The following NCOR1 variants were observed in gnomAD, a reference collection of about 807,000 sequenced individuals.
NCOR1 encodes protein phosphatase 1, regulatory subunit 109.
NCOR1 carries 63 observed loss-of-function variants against 288.1 expected under a neutral mutation model. The observed-to-expected ratio is 0.22, with a 90% CI of 0.18 to 0.27. NCOR1 has a LOEUF of 0.27. NCOR1 is among the 10% of genes least tolerant of loss of function. The probability of loss-of-function intolerance (pLI) is 1.00; values close to 1 mark genes in which losing one functional copy is unlikely to be tolerated. For synonymous variants in NCOR1, 1,007 were observed against 1,065.9 expected (o/e 0.94, Z 1.08); for missense variants, 2,397 against 3,019.2 (o/e 0.79, Z 4.83).
intron 2 of NCOR1, among the ~76,000 whole-genome samples, chr17:16,188,729 A>C (rs1389776790): frequency 1.3e-5 from 2 of 151,722 alleles, no homozygotes; most frequent in African/African-American, 4.8e-5. Context: ...AATAGCCTCA[A>C]AAAGAATCAA....
intron 18 of NCOR1, among the ~76,000 whole-genome samples, chr17:16,109,890 G>C (rs2069643898): frequency 6.6e-6 from 1 of 152,032 alleles, no homozygotes; most frequent in South Asian, 2.1e-4. Flanking sequence ...CCCGCCACCA[G>C]GCCCAGCTAA....
In NCOR1 at chr17:16,151,055, TATAAA is replaced by T. The variant is rs1204354460; in HGVS notation, c.842+886_842+890del. On this transcript the variant is annotated intron_variant, in intron 8 of 45. Transcript: ENST00000268712. The stretch of plus-strand genomic sequence containing the variant: ...AAAAAGAAAAAAATAAATATATATA[TATAAA>T]ATAAATAGCAATGTGCTCATTAGTA... Among the ~76,000 whole-genome samples the T allele has an allele frequency of 3.3e-5, 5 of 151,278 alleles. No individual in the cohort carries two copies. In the East Asian group the frequency reaches 5.8e-4, roughly 18 times the overall value.
intron 14 of NCOR1, 72 bp from the exon 15 acceptor site, chr17:16,126,278 T>C (rs958555065): frequency 4.3e-6 from 6 of 1,398,658 alleles, no homozygotes; most frequent in South Asian, 1.8e-5. Context: ...TGATAAATTA[T>C]GTCTATCTAA....
At chr17:16,033,336 CAAAAAAAAA>C (rs59285422) in intron 45 of NCOR1, among the ~76,000 whole-genome samples, 11 of 57,458 alleles carry the variant, frequency 1.9e-4, no homozygotes, top group African/African-American at 6.4e-4. Context: ...ACTCCGTCTC[CAAAAAAAAA>C]AAAAAAAAAA....
rs771119636 is a variant in NCOR1 at position 16,073,555 on chromosome 17, G to C, written c.3685C>G (p.Arg1229Gly). ...GTTCTTGGACTCCTAGTCCCTTCTC[G>C]GGCATTCTTAATATCTACAGAATAC... ...ILSYDNIKNA[R>G]EGTRSPRTAH... The change falls in exon 28 of 46, where the codon CGA becomes GGA. Residue 1229 changes from arginine to glycine, a missense_variant. Physicochemically the swap from Arg to Gly is moderately radical, Grantham distance 125 (BLOSUM62 -2). Coordinates refer to ENST00000268712, the MANE Select transcript of NCOR1 (RefSeq NM_006311.4). 12 of 1,605,474 alleles carry C rather than the reference G, an allele frequency of 7.5e-6. No homozygotes were observed. The South Asian group carries it at 1.2e-4, about 16-fold the overall frequency.
intron 3 of NCOR1, among the ~76,000 whole-genome samples, chr17:16,173,863 A>C (rs1279919912): frequency 1.3e-5 from 2 of 152,072 alleles, no homozygotes; most frequent in Non-Finnish European, 2.9e-5. Context: ...CCCAGGAGGC[A>C]GACGTTGAGG....
rs1301014266 is a variant in NCOR1, at chr17:16,098,348, C to A, written c.2820+19G>T. On this transcript the variant is annotated intron_variant, in intron 21 of 45. Transcript: ENST00000268712. Reference sequence around the variant, plus strand: ...TCAGTTTTTCATATTTAGTTTTCTTCCTCACAATAAAAACTTACCATTGGT... The same window carrying A: ...TCAGTTTTTCATATTTAGTTTTCTTACTCACAATAAAAACTTACCATTGGT... The A allele has an allele frequency of 1.4e-5, 22 of 1,609,660 alleles. No homozygotes were observed. The highest frequency in any genetic ancestry group is 1.7e-5 in the Non-Finnish European group (20 of 1,178,738).
In NCOR1 at chr17:16,048,836, C is replaced by T; in HGVS notation, c.6536+9G>A. The T allele has an allele frequency of 6.3e-7, 1 of 1,586,648 alleles. No individual in the cohort carries two copies. Among genetic ancestry groups the T allele is most frequent in the Non-Finnish European group, 8.6e-7 (1 of 1,161,982 alleles). On this transcript the variant is annotated intron_variant, in intron 41 of 45. Coordinates refer to ENST00000268712, the MANE Select transcript of NCOR1 (RefSeq NM_006311.4). Reference sequence around the variant, plus strand: ...ATGAATGGTTGCTGTCACTAGGAAGCACACTTACCTCTGCTCTGCAGGCTC... The same window carrying T: ...ATGAATGGTTGCTGTCACTAGGAAGTACACTTACCTCTGCTCTGCAGGCTC...
chr17:16,114,369 G>A (rs745915435), intron 18 of NCOR1, among the ~76,000 whole-genome samples: 24 of 152,036 alleles, frequency 1.6e-4, no homozygotes, highest in South Asian at 4.1e-4. Context: ...TCATTCTGCC[G>A]CTGGCCCCTC....
intron 23 of NCOR1, 65 bp from the exon 24 acceptor site, chr17:16,080,792 TCA>T (rs1016945985): frequency 1.2e-5 from 17 of 1,473,614 alleles, no homozygotes; most frequent in Admixed American, 1.0e-4. Flanking sequence ...AAGGTCAATT[TCA>T]CAAAGTCAGC....
At chr17:16,153,210 AAGCTACATCTCTGCTC>A (rs2079143258) in intron 7 of NCOR1, 113 bp downstream of exon 7, 1 of 615,022 alleles carries the variant, frequency 1.6e-6, no homozygotes, top group Non-Finnish European at 2.8e-6. Flanking sequence ...ACTTCATCTC[AAGCTACATCTCTGCTC>A]AGCTACATCT....
intron 1 of NCOR1, among the ~76,000 whole-genome samples, chr17:16,205,536 G>A (rs769358993): frequency 1.3e-3 from 192 of 152,010 alleles, no homozygotes; most frequent in Non-Finnish European, 2.1e-3. Flanking sequence ...CAGGGGAATC[G>A]CTTGAACCTG....
chr17:16,101,463 A>G lies in NCOR1; in HGVS notation c.2477T>C (p.Val826Ala). ...AGATGCATGGTTTTCTGGCACCCTC[A>G]CTTCAACGTCCACAGAGTCAGCTTT... ...ATKADSVDVE[V>A]RVPENHASKV... is the part of the protein sequence containing the mutation. Residue 826 changes from valine (V) to alanine (A), a missense_variant, in exon 20 of 46, where the codon GTG becomes GCG. Val to Ala is a moderately conservative substitution (Grantham distance 64). Transcript: ENST00000268712. The G allele has an allele frequency of 1.2e-6, 2 of 1,614,066 alleles. No individual in the cohort carries two copies. The highest frequency in any genetic ancestry group is 3.3e-4 in the Middle Eastern group (2 of 6,062).
At chr17:16,133,957 AAGT>A (rs757186448) in intron 14 of NCOR1, among the ~76,000 whole-genome samples, 6 of 152,200 alleles carry the variant, frequency 3.9e-5, no homozygotes, top group Non-Finnish European at 7.3e-5. Context: ...AGCCTAGTCC[AAGT>A]CAATGGGATT....
rs2056994248 is a variant in NCOR1, at chr17:16,038,878, C to T, written c.6955+555G>A. Among the ~76,000 whole-genome samples the T allele has an allele frequency of 2.0e-5, 3 of 152,208 alleles. 1 individual carries two copies. Among genetic ancestry groups the T allele is most frequent in the East Asian group, 3.8e-4 (2 of 5,200 alleles). On this transcript the variant is annotated intron_variant, in intron 44 of 45. Coordinates refer to ENST00000268712, the MANE Select transcript of NCOR1 (RefSeq NM_006311.4). ...CTCCGCCTCTCGGGTTCAAGCAATTCTCCTGCCTCAGCCTCCTGAGTACCT... is the reference window on the plus strand; with the variant it reads ...CTCCGCCTCTCGGGTTCAAGCAATTTTCCTGCCTCAGCCTCCTGAGTACCT...
chr17:16,034,978 A>C, intron 44 of NCOR1, 34 bp from the exon 45 acceptor site: 1 of 1,592,710 alleles, frequency 6.3e-7, no homozygotes. Context: ...GTATTAATAT[A>C]TTAAGTTCTC....
chr17:16,154,340 A>C (rs1235244141), intron 6 of NCOR1, among the ~76,000 whole-genome samples: 1 of 152,224 alleles, frequency 6.6e-6, no homozygotes, highest in African/African-American at 2.4e-5. Context: ...CTAAGTCTAC[A>C]GATAGAAGTA....
chr17:16,061,453 C>G lies in NCOR1; in HGVS notation c.5829G>C (p.Ser1943=), dbSNP rs761830574. The G allele has an allele frequency of 3.7e-6, 6 of 1,614,176 alleles. No individual in the cohort carries two copies. Among genetic ancestry groups the G allele is most frequent in the Non-Finnish European group, 5.1e-6 (6 of 1,180,044 alleles). Residue 1943 remains serine (S), a synonymous_variant, in exon 37 of 46, where the codon TCG becomes TCC. Coordinates refer to ENST00000268712, the MANE Select transcript of NCOR1 (RefSeq NM_006311.4). The stretch of plus-strand genomic sequence containing the variant: ...AGCCACGTTCCCTCGCATCCTTGTC[C>G]GAGGCAATTTGCCGGGTGATGATCA... ...IDVIITRQIA[S]DKDARERGSQ... is the part of the protein sequence containing the mutation.
Position 16,048,988 on chromosome 17 carries a change from A to G in NCOR1, c.6393T>C (p.Ser2131=), listed in dbSNP as rs978318745. ...TCCTCTCTGGGGATTTTCCAGGCCTACTATTGTAATATGTGAAATATTAGA... is the reference window on the plus strand; with the variant it reads ...TCCTCTCTGGGGATTTTCCAGGCCTGCTATTGTAATATGTGAAATATTAGA... ...PENLVDKSRG[S]RPGKSPERSH... is the part of the protein sequence containing the mutation. Residue 2131 remains serine (S), a splice_region_variant and synonymous_variant, in exon 41 of 46, where the codon AGT becomes AGC. Coordinates refer to ENST00000268712, the MANE Select transcript of NCOR1 (RefSeq NM_006311.4). 4 of 1,604,480 alleles carry G rather than the reference A, an allele frequency of 2.5e-6. No homozygotes were observed. Among genetic ancestry groups the G allele is most frequent in the Non-Finnish European group, 3.4e-6 (4 of 1,173,624 alleles).
Sources: gnomAD v4.1 joint callset for allele counts (sites outside exome capture counted in the v4.1 genomes callset) on GRCh38, gnomAD v4.1.1 for gene constraint, MANE v1.5 for transcripts, NCBI Gene and HGNC (gene_info 2026-07-23, HGNC 2026-07-21) for gene names.